LHFPL3: variants seen among roughly 807,000 people sequenced by gnomAD.
LHFPL3 encodes LHFPL tetraspan subfamily member 3.
In LHFPL3, 5 loss-of-function variants were observed where a neutral mutation model predicts 19.3. The observed-to-expected ratio is 0.26, with a 90% confidence interval of 0.14 to 0.54. LHFPL3 has a LOEUF of 0.54. LHFPL3 is among the 20% of genes least tolerant of loss of function. The pLI is 0.94. For missense variants in LHFPL3, 249 were observed against 307.4 expected, an observed-to-expected ratio of 0.81 and a Z score of 1.42; for synonymous variants, 133 against 126.2, an observed-to-expected ratio of 1.05 and a Z score of -0.36.
chr7:104,782,143 C>T (rs1449599627), intron 2 of LHFPL3, among the ~76,000 whole-genome samples: 1 of 152,186 alleles, frequency 6.6e-6, no homozygotes, highest in Non-Finnish European at 1.5e-5. Context: ...TCTAAGATGG[C>T]TTCACTCACA....
At chr7:104,442,793 T>A (rs1407067720) in intron 1 of LHFPL3, among the ~76,000 whole-genome samples, 1 of 152,222 alleles carries the variant, frequency 6.6e-6, no homozygotes, top group Admixed American at 6.5e-5. Flanking sequence ...GGGTGGCGAC[T>A]TTTCAAAGTA....
chr7:104,801,454 G>A (rs1193562909), intron 2 of LHFPL3, among the ~76,000 whole-genome samples: 2 of 152,206 alleles, frequency 1.3e-5, no homozygotes, highest in African/African-American at 2.4e-5. Context: ...ATGTAACCAG[G>A]AAAGTGGTGT....
At chr7:104,621,798 C>G (rs371177647) in intron 1 of LHFPL3, among the ~76,000 whole-genome samples, 18 of 152,112 alleles carry the variant, frequency 1.2e-4, no homozygotes, top group African/African-American at 4.1e-4. Flanking sequence ...GAGATGACTC[C>G]TCCACTGATA....
chr7:104,654,757 G>C (rs1339404200), intron 1 of LHFPL3, among the ~76,000 whole-genome samples: 1 of 152,098 alleles, frequency 6.6e-6, no homozygotes, highest in East Asian at 1.9e-4. Flanking sequence ...GAAGAGCTGA[G>C]CAGTATGATT....
chr7:104,380,202 A>T (rs1790801360), intron 1 of LHFPL3, among the ~76,000 whole-genome samples: 1 of 152,178 alleles, frequency 6.6e-6, no homozygotes, highest in Non-Finnish European at 1.5e-5. Context: ...CATCTCATAG[A>T]GTTATCTTAT....
chr7:104,894,806 G>A (rs761513395), intron 2 of LHFPL3: 1 of 152,148 alleles, frequency 6.6e-6, no homozygotes, highest in Non-Finnish European at 1.5e-5. Flanking sequence ...TAGGTATCAT[G>A]TCCACTTTAC....
chr7:104,744,883 G>A (rs765320326), intron 2 of LHFPL3, among the ~76,000 whole-genome samples: 90 of 152,058 alleles, frequency 5.9e-4, no homozygotes, highest in Non-Finnish European at 1.3e-3. Flanking sequence ...TTTAACTGGT[G>A]TATCCTTTCT....
intron 1 of LHFPL3, among the ~76,000 whole-genome samples, chr7:104,710,710 A>G (rs1793286058): frequency 6.6e-6 from 1 of 152,200 alleles, no homozygotes. Context: ...TGAGGTTTAC[A>G]TGAGTTGATT....
chr7:104,543,298 A>G (rs1794522802), intron 1 of LHFPL3, among the ~76,000 whole-genome samples: 1 of 152,024 alleles, frequency 6.6e-6, no homozygotes, highest in African/African-American at 2.4e-5. Flanking sequence ...AAATAGGAAC[A>G]CTTTTACACT....
intron 1 of LHFPL3, among the ~76,000 whole-genome samples, chr7:104,369,083 T>C (rs1790557777): frequency 6.6e-6 from 1 of 152,188 alleles, no homozygotes; most frequent in African/African-American, 2.4e-5. Context: ...TACTCAAAAA[T>C]TTGTTCATTA....
chr7:104,731,181 T>C (rs1212580254), intron 1 of LHFPL3, among the ~76,000 whole-genome samples: 1 of 152,200 alleles, frequency 6.6e-6, no homozygotes, highest in Non-Finnish European at 1.5e-5. Flanking sequence ...GGTAGCGTGA[T>C]GCCTCCAGCT....
intron 1 of LHFPL3, among the ~76,000 whole-genome samples, chr7:104,519,439 C>T (rs992692): frequency 0.13 from 19,179 of 152,070 alleles, 1,290 homozygotes; most frequent in African/African-American, 0.18. Context: ...GCTTTTTAAA[C>T]TTAAATGATG....
chr7:104,453,950 C>G (rs1792493440), intron 1 of LHFPL3, among the ~76,000 whole-genome samples: 1 of 152,180 alleles, frequency 6.6e-6, no homozygotes, highest in Non-Finnish European at 1.5e-5. Flanking sequence ...TCCTGTAAAG[C>G]CTGCAGAACT....
intron 1 of LHFPL3, among the ~76,000 whole-genome samples, chr7:104,719,674 T>C (rs1177715768): frequency 6.6e-6 from 1 of 152,210 alleles, no homozygotes; most frequent in Admixed American, 6.6e-5. Context: ...AAAAAATGTC[T>C]AGTTATAAGT....
At chr7:104,330,207 G>T (rs760483190) in intron 1 of LHFPL3, among the ~76,000 whole-genome samples, 9 of 152,224 alleles carry the variant, frequency 5.9e-5, no homozygotes, top group Non-Finnish European at 1.2e-4. Context: ...CTGCCAGCCA[G>T]CTTGGATGCC....
intron 1 of LHFPL3, among the ~76,000 whole-genome samples, chr7:104,565,186 T>C (rs1327847164): frequency 6.6e-6 from 1 of 152,216 alleles, no homozygotes; most frequent in Non-Finnish European, 1.5e-5. Flanking sequence ...CATTCAAACA[T>C]ATAAGATGAC....
intron 1 of LHFPL3, among the ~76,000 whole-genome samples, chr7:104,687,243 G>A (rs1362705457): frequency 6.6e-6 from 1 of 152,222 alleles, no homozygotes; most frequent in East Asian, 1.9e-4. Context: ...TAGCAAGATG[G>A]AAGAGATGCA....
intron 1 of LHFPL3, among the ~76,000 whole-genome samples, chr7:104,456,376 C>G (rs1000146329): frequency 6.6e-6 from 1 of 152,134 alleles, no homozygotes; most frequent in Non-Finnish European, 1.5e-5. Flanking sequence ...GAAACTGAAA[C>G]AATAGAGACA....
chr7:104,511,512 A>T (rs923820195), intron 1 of LHFPL3, among the ~76,000 whole-genome samples: 2 of 152,172 alleles, frequency 1.3e-5, no homozygotes, highest in Non-Finnish European at 2.9e-5. Context: ...CAAAACCTCT[A>T]CGTAAGTATT....
Sources: allele counts gnomAD v4.1 joint callset (sites outside exome capture counted in the v4.1 genomes callset), GRCh38; gene constraint gnomAD v4.1.1; transcripts MANE v1.5; gene names NCBI Gene and HGNC (gene_info 2026-07-23, HGNC 2026-07-21).